Variants in TRPC5 observed in about 807,000 individuals in gnomAD.
TRPC5 encodes transient receptor potential cation channel subfamily C member 5.
In TRPC5, 9 loss-of-function variants were observed where a neutral mutation model predicts 56.5. That is an observed-to-expected ratio of 0.16 (90% CI 0.10 to 0.28). TRPC5 has a LOEUF of 0.28. Among genes scored for constraint, TRPC5 ranks in the 10% least tolerant of loss-of-function variants. The pLI is 1.00. For synonymous variants in TRPC5, 282 were observed against 278.5 expected, an observed-to-expected ratio of 1.01 and a Z score of -0.13; for missense variants, 469 against 748.9, an observed-to-expected ratio of 0.63 and a Z score of 4.36.
rs58112324 is a variant in TRPC5 at position 111,898,251 on chromosome X, T to TTATATA, written c.900+14034_900+14039dup. 4.6e-3 allele frequency among the ~76,000 whole-genome samples: 425 copies of TTATATA among 92,369 alleles called. 2 individuals are homozygous for TTATATA. Among genetic ancestry groups the TTATATA allele is most frequent in the African/African-American group, 0.015 (387 of 25,579 alleles). 80.2% of individuals were successfully genotyped at this position (92,369 alleles called of 115,157 possible). ...TTTTATTATTGAGTTGTAGGGGTTC[T>TTATATA]TATATATATATATATATATATATAT... On this transcript the variant is annotated intron_variant, in intron 3 of 10. Coordinates refer to ENST00000262839, the MANE Select transcript of TRPC5 (RefSeq NM_012471.3).
Position 111,771,062 on chromosome X carries a change from A to C in TRPC5, c.*5251T>G, listed in dbSNP as rs1945840695. ...CAAGTCATTCTAACCTACTTCAGTT[A>C]GTCTTTTTTGGTTCTATCAAGTCAC... On this transcript the variant is annotated 3_prime_UTR_variant, in exon 11 of 11. Coordinates refer to ENST00000262839, the MANE Select transcript of TRPC5 (RefSeq NM_012471.3). Among the ~76,000 whole-genome samples, 1 of 111,781 alleles carries C rather than the reference A, an allele frequency of 8.9e-6. No homozygotes were observed. Among genetic ancestry groups the C allele is most frequent in the Non-Finnish European group, 1.9e-5 (1 of 53,155 alleles).
chrX:111,817,470 C>T (rs1921895823), intron 7 of TRPC5, among the ~76,000 whole-genome samples: 1 of 109,274 alleles, frequency 9.2e-6, no homozygotes, highest in South Asian at 4.1e-4. Flanking sequence ...GGATTCCAGG[C>T]GCCCATCACC....
At chrX:112,046,475 G>T (rs1479284165) in intron 1 of TRPC5, among the ~76,000 whole-genome samples, 1 of 110,807 alleles carries the variant, frequency 9.0e-6, no homozygotes, top group Non-Finnish European at 1.9e-5. Flanking sequence ...CTCCCTGTAG[G>T]CTGTCATGCT....
Position 111,952,407 on chromosome X carries a change from TAC to T in TRPC5, c.12_13del (p.Tyr5LeufsTer21). The T allele has an allele frequency of 8.3e-7, 1 of 1,203,796 alleles. No homozygotes were observed. Among genetic ancestry groups the T allele is most frequent in the Non-Finnish European group, 1.1e-6 (1 of 891,655 alleles). On this transcript the variant is annotated frameshift_variant, in exon 2 of 11. Coordinates refer to ENST00000262839, the MANE Select transcript of TRPC5 (RefSeq NM_012471.3). LOFTEE classifies it high-confidence loss of function. ...CGGTGAGTAGTTGACCTTTTTGTAG[TAC>T]AGTTGGGCCATGGTTCATAGCAATG...
chrX:112,072,886 C>T (rs749686726), intron 1 of TRPC5, among the ~76,000 whole-genome samples: 4 of 111,953 alleles, frequency 3.6e-5, no homozygotes, highest in Non-Finnish European at 7.5e-5. Flanking sequence ...CTGAAATGTG[C>T]TCCTTGTTAT....
chrX:111,873,741 A>G (rs1923832281), intron 3 of TRPC5, among the ~76,000 whole-genome samples: 1 of 110,814 alleles, frequency 9.0e-6, no homozygotes, highest in Non-Finnish European at 1.9e-5. Context: ...CCGAGATCGC[A>G]CCATTGCGCT....
chrX:111,905,881 C>G (rs973431034), intron 3 of TRPC5, among the ~76,000 whole-genome samples: 7 of 98,998 alleles, frequency 7.1e-5, no homozygotes, highest in African/African-American at 1.6e-4. Flanking sequence ...TGCCACTGCA[C>G]TCCAGCCTGG....
intron 3 of TRPC5, among the ~76,000 whole-genome samples, chrX:111,872,612 G>A (rs1274489315): frequency 1.8e-5 from 2 of 111,497 alleles, no homozygotes; most frequent in African/African-American, 6.5e-5. Context: ...GACAAGTTGA[G>A]GTATCTTAGG....
chrX:111,995,081 G>A (rs764416390), intron 1 of TRPC5, among the ~76,000 whole-genome samples: 8 of 111,819 alleles, frequency 7.2e-5, no homozygotes, highest in Non-Finnish European at 1.9e-5. Context: ...TGCCCATTCT[G>A]TATGATATTG....
At chrX:111,942,583 A>G (rs1241301392) in intron 2 of TRPC5, among the ~76,000 whole-genome samples, 2 of 111,688 alleles carry the variant, frequency 1.8e-5, no homozygotes, top group African/African-American at 6.5e-5. Context: ...AACTCCCTAC[A>G]ATTCCATTCT....
intron 1 of TRPC5, among the ~76,000 whole-genome samples, chrX:112,061,020 T>C (rs1254907021): frequency 8.9e-6 from 1 of 112,632 alleles, no homozygotes; most frequent in Non-Finnish European, 1.9e-5. Context: ...TAATTTTCTG[T>C]TTCCTCCTTA....
intron 7 of TRPC5, among the ~76,000 whole-genome samples, chrX:111,828,891 A>G (rs746066071): frequency 1.8e-5 from 2 of 112,261 alleles, no homozygotes; most frequent in South Asian, 7.5e-4. Context: ...TAGCAAAGAC[A>G]CTTGGTGGCA....
intron 1 of TRPC5, among the ~76,000 whole-genome samples, chrX:112,074,470 A>T (rs1930788350): frequency 9.1e-6 from 1 of 110,264 alleles, no homozygotes. Context: ...CCATTTCCAG[A>T]ATAATCATTC....
intron 7 of TRPC5, among the ~76,000 whole-genome samples, chrX:111,784,780 G>C (rs1253146334): frequency 8.9e-6 from 1 of 112,962 alleles, no homozygotes; most frequent in Non-Finnish European, 1.9e-5. Flanking sequence ...CCCGTGCCTG[G>C]CTTGGCAGGT....
intron 10 of TRPC5, among the ~76,000 whole-genome samples, chrX:111,777,933 C>G (rs1271370186): frequency 8.9e-6 from 1 of 112,509 alleles, no homozygotes; most frequent in African/African-American, 3.2e-5. Context: ...TGTTCATCAC[C>G]CTTTATTATT....
intron 1 of TRPC5, among the ~76,000 whole-genome samples, chrX:111,999,741 G>A (rs760835974): frequency 1.1e-4 from 12 of 111,844 alleles, no homozygotes; most frequent in East Asian, 2.8e-4. Context: ...CGAGGTGGGC[G>A]GATCACCTGA....
intron 3 of TRPC5, among the ~76,000 whole-genome samples, chrX:111,910,349 C>T (rs1407229111): frequency 7.6e-5 from 8 of 105,158 alleles, no homozygotes; most frequent in South Asian, 8.4e-4. Context: ...AGTGTAGATA[C>T]GGCAGACTGC....
chrX:111,974,528 T>C (rs1339815813), intron 1 of TRPC5, among the ~76,000 whole-genome samples: 1 of 112,063 alleles, frequency 8.9e-6, no homozygotes, highest in African/African-American at 3.2e-5. Flanking sequence ...AGAAAAACAG[T>C]TAAATCTTTA....
intron 3 of TRPC5, among the ~76,000 whole-genome samples, chrX:111,873,715 C>T (rs1304802100): frequency 2.7e-5 from 3 of 110,204 alleles, no homozygotes; most frequent in Admixed American, 9.7e-5. Context: ...ACCCAGGAGG[C>T]GGAGGTTGCA....
Sources: allele counts gnomAD v4.1 joint callset (sites outside exome capture counted in the v4.1 genomes callset), GRCh38; gene constraint gnomAD v4.1.1; transcripts MANE v1.5; gene names NCBI Gene and HGNC (gene_info 2026-07-23, HGNC 2026-07-21).